PSIP1: variants seen among roughly 807,000 people sequenced by gnomAD.
PSIP1 encodes the protein PC4 and SFRS1-interacting protein.
Under a neutral mutation model 74.7 loss-of-function variants are expected in PSIP1, and 19 were observed. The observed-to-expected ratio is 0.25, with a 90% confidence interval of 0.18 to 0.37. PSIP1 has a LOEUF of 0.37. PSIP1 is among the 10% of genes least tolerant of loss of function. The pLI is 1.00. For missense variants in PSIP1, 601 were observed against 614.3 expected (o/e 0.98, Z 0.23); for synonymous variants, 222 against 195.3 (o/e 1.14, Z -1.14).
chr9:15,467,958 T>A (rs1037332765), intron 14 of PSIP1, among the ~76,000 whole-genome samples: 17 of 152,040 alleles, frequency 1.1e-4, no homozygotes, highest in South Asian at 1.0e-3. Context: ...CCGTGCCTAC[T>A]AAAAATACAA....
At position 15,464,390 on chromosome 9, in the gene PSIP1, C is replaced by T. The variant is rs2035466313; in HGVS notation, c.*1130G>A. 2 of 195,716 alleles carry T rather than the reference C, an allele frequency of 1.0e-5. No homozygotes were observed. The highest frequency in any genetic ancestry group is 6.1e-5 in the Admixed American group (1 of 16,416). 12.1% of individuals were successfully genotyped at this position (195,716 alleles called of 1,614,324 possible). A position where few individuals can be genotyped will look rare whatever the true frequency, so the allele number is the denominator to read the frequency against. On this transcript the variant is annotated 3_prime_UTR_variant, in exon 16 of 16. Coordinates refer to ENST00000380733, the MANE Select transcript of PSIP1 (RefSeq NM_033222.5). Reference sequence around the variant, plus strand: ...TACTTGCTGAGAAGTGCCAAATGACCCTAATATTCAAAATATCTTAGAAAT... The same window carrying T: ...TACTTGCTGAGAAGTGCCAAATGACTCTAATATTCAAAATATCTTAGAAAT...
intron 10 of PSIP1, chr9:15,471,218 T>A (rs750809215): frequency 6.2e-7 from 1 of 1,606,032 alleles, no homozygotes; most frequent in Non-Finnish European, 8.5e-7. Context: ...TACTGTAGAT[T>A]ACATGTTGTT....
chr9:15,506,732 G>A (rs971687515), intron 2 of PSIP1, 95 bp from the exon 3 acceptor site: 4 of 946,918 alleles, frequency 4.2e-6, no homozygotes, highest in Admixed American at 4.8e-5. Flanking sequence ...AAAGGGTTCT[G>A]TTATAAAATG....
At chr9:15,496,750 A>G (rs936236587) in intron 3 of PSIP1, among the ~76,000 whole-genome samples, 4 of 152,224 alleles carry the variant, frequency 2.6e-5, no homozygotes. Flanking sequence ...TTCCAACTGA[A>G]AAGACTTTTA....
At chr9:15,504,880 T>C (rs2037513433) in intron 3 of PSIP1, 1 of 151,860 alleles carries the variant, frequency 6.6e-6, no homozygotes, top group Non-Finnish European at 1.5e-5. Context: ...ATCAGAATCA[T>C]CTGGAAGGCT....
intron 3 of PSIP1, among the ~76,000 whole-genome samples, chr9:15,494,770 T>C (rs1339041369): frequency 1.3e-5 from 2 of 152,168 alleles, no homozygotes; most frequent in Non-Finnish European, 2.9e-5. Flanking sequence ...GGAGTTAAAC[T>C]GAAATCATCT....
chr9:15,468,460 G>GCA, intron 14 of PSIP1, 170 bp downstream of exon 14: 1 of 802,352 alleles, frequency 1.2e-6, no homozygotes, highest in Non-Finnish European at 2.2e-6. Context: ...TGTTCTCAAT[G>GCA]CACACTGCTC....
chr9:15,510,099 G>A lies in PSIP1; in HGVS notation c.72+18C>T, dbSNP rs765465875. 76 of 1,598,850 alleles carry A rather than the reference G, an allele frequency of 4.8e-5. 1 individual carries two copies. In the South Asian group the frequency reaches 7.3e-4, roughly 15 times the overall value. On this transcript the variant is annotated intron_variant, in intron 2 of 15. Coordinates refer to ENST00000380733, the MANE Select transcript of PSIP1 (RefSeq NM_033222.5). ...AGGAGGGTAGCACTGCTAAGCGCGA[G>A]GGCTACAAATCACTTACTCGAGCTG...
intron 4 of PSIP1, among the ~76,000 whole-genome samples, chr9:15,487,721 T>C (rs921835176): frequency 1.2e-4 from 18 of 152,220 alleles, no homozygotes; most frequent in South Asian, 2.1e-4. Context: ...TAAGAAACCA[T>C]GTAGCCATTC....
At chr9:15,480,380 C>G (rs560541372) in intron 6 of PSIP1, among the ~76,000 whole-genome samples, 2 of 152,250 alleles carry the variant, frequency 1.3e-5, no homozygotes, top group Non-Finnish European at 2.9e-5. Flanking sequence ...TAGAATTCAG[C>G]ATTAACTGTA....
chr9:15,472,314 A>G (rs1289605623), intron 10 of PSIP1: 6 of 1,053,876 alleles, frequency 5.7e-6, no homozygotes, highest in Non-Finnish European at 6.8e-6. Context: ...CCCTCTATCT[A>G]TATGTATTAT....
intron 4 of PSIP1, among the ~76,000 whole-genome samples, chr9:15,487,524 A>C (rs2036606871): frequency 6.6e-6 from 1 of 152,050 alleles, no homozygotes; most frequent in Admixed American, 6.6e-5. Flanking sequence ...AAAACCCAGG[A>C]GGCAGAGGTT....
chr9:15,477,238 A>G lies in PSIP1; in HGVS notation c.629+1239T>C, dbSNP rs187584677. ...TTAAAAATTGACAGGTAAAAATTCTATGTGTTTATGGTGTGCAACACAATG... is the reference window on the plus strand; with the variant it reads ...TTAAAAATTGACAGGTAAAAATTCTGTGTGTTTATGGTGTGCAACACAATG... On this transcript the variant is annotated intron_variant, in intron 8 of 15. Coordinates refer to ENST00000380733, the MANE Select transcript of PSIP1 (RefSeq NM_033222.5). Among the ~76,000 whole-genome samples, 99 of 152,180 alleles carry G rather than the reference A, an allele frequency of 6.5e-4. No homozygotes were observed. In the Middle Eastern group the frequency reaches 0.014, roughly 21 times the overall value.
At chr9:15,507,286 T>C (rs2037637581) in intron 2 of PSIP1, among the ~76,000 whole-genome samples, 1 of 152,208 alleles carries the variant, frequency 6.6e-6, no homozygotes, top group African/African-American at 2.4e-5. Flanking sequence ...TCCATAATAC[T>C]TGTTACTTTC....
At chr9:15,498,044 A>T (rs2037166956) in intron 3 of PSIP1, among the ~76,000 whole-genome samples, 1 of 152,150 alleles carries the variant, frequency 6.6e-6, no homozygotes, top group Non-Finnish European at 1.5e-5. Flanking sequence ...CAAATTTTAT[A>T]TTATAAAATC....
intron 4 of PSIP1, among the ~76,000 whole-genome samples, chr9:15,488,291 A>G (rs1414229847): frequency 6.6e-6 from 1 of 152,142 alleles, no homozygotes; most frequent in African/African-American, 2.4e-5. Flanking sequence ...AGATCACGCC[A>G]CTGCACTCCA....
At chr9:15,509,467 C>A (rs1169981801) in intron 2 of PSIP1, among the ~76,000 whole-genome samples, 1 of 152,220 alleles carries the variant, frequency 6.6e-6, no homozygotes, top group African/African-American at 2.4e-5. Context: ...CTGGTCCACA[C>A]CTCCTTTTTG....
At chr9:15,466,637 G>A in intron 15 of PSIP1, 111 bp downstream of exon 15, 1 of 746,246 alleles carries the variant, frequency 1.3e-6, no homozygotes, top group Non-Finnish European at 2.1e-6. Flanking sequence ...TTCAGGAATT[G>A]GGTGATCAAA....
At chr9:15,465,823 A>G (rs2035585926) in intron 15 of PSIP1, 1 of 441,596 alleles carries the variant, frequency 2.3e-6, no homozygotes, top group Non-Finnish European at 4.0e-6. Context: ...AACTCAGCAA[A>G]GTGTCATGGA....
Sources: gnomAD v4.1 joint callset for allele counts (sites outside exome capture counted in the v4.1 genomes callset) on GRCh38, gnomAD v4.1.1 for gene constraint, MANE v1.5 for transcripts, NCBI Gene and HGNC (gene_info 2026-07-23, HGNC 2026-07-21) for gene names.